The following CLPX variants were observed in gnomAD, a reference collection of about 807,000 sequenced individuals.
CLPX encodes ATP-dependent clpX-like chaperone, mitochondrial.
Under a neutral mutation model 76.4 loss-of-function variants are expected in CLPX, and 34 were observed. That is an observed-to-expected ratio of 0.45 (90% CI 0.34 to 0.59). CLPX has a LOEUF of 0.59. CLPX is among the 20% of genes least tolerant of loss of function. The probability of loss-of-function intolerance (pLI) is 0.01; values close to 1 mark genes in which losing one functional copy is unlikely to be tolerated. For missense variants in CLPX, 613 were observed against 757.0 expected, an observed-to-expected ratio of 0.81 and a Z score of 2.23; for synonymous variants, 248 against 270.9, an observed-to-expected ratio of 0.92 and a Z score of 0.83.
At chr15:65,177,522 G>C (rs2140647195) in intron 3 of CLPX, among the ~76,000 whole-genome samples, 1 of 152,250 alleles carries the variant, frequency 6.6e-6, no homozygotes, top group Non-Finnish European at 1.5e-5. Flanking sequence ...TTAATGGTAA[G>C]TGTGAAATTG....
chr15:65,167,002 A>C (rs1566982702), intron 3 of CLPX, among the ~76,000 whole-genome samples: 1 of 152,208 alleles, frequency 6.6e-6, no homozygotes, highest in African/African-American at 2.4e-5. Context: ...AGGTCCTTTC[A>C]TTTTGTGATA....
At chr15:65,171,467 G>A (rs1486885648) in intron 3 of CLPX, among the ~76,000 whole-genome samples, 1 of 151,656 alleles carries the variant, frequency 6.6e-6, no homozygotes, top group Non-Finnish European at 1.5e-5. Flanking sequence ...AAAACATTTC[G>A]GATAAATTCT....
intron 3 of CLPX, among the ~76,000 whole-genome samples, chr15:65,174,174 C>T (rs1361008319): frequency 2.6e-5 from 4 of 152,182 alleles, no homozygotes; most frequent in South Asian, 2.1e-4. Context: ...GGGGTTTCAC[C>T]GTGTTAGCCA....
intron 6 of CLPX, among the ~76,000 whole-genome samples, chr15:65,160,623 TCACACACACACA>T (rs375655324): frequency 1.8e-4 from 18 of 101,028 alleles, no homozygotes; most frequent in Non-Finnish European, 1.9e-4. Flanking sequence ...TCTCTCTCTC[TCACACACACACA>T]CACACACACA....
At chr15:65,170,774 C>T (rs1208649395) in intron 3 of CLPX, among the ~76,000 whole-genome samples, 5 of 148,694 alleles carry the variant, frequency 3.4e-5, no homozygotes, top group African/African-American at 4.9e-5. Context: ...CAAAAACAAA[C>T]AAAACCACTT....
At chr15:65,155,529 T>A (rs529233183) in intron 10 of CLPX, among the ~76,000 whole-genome samples, 163 bp downstream of exon 10, 1 of 152,292 alleles carries the variant, frequency 6.6e-6, no homozygotes, top group African/African-American at 2.4e-5. Flanking sequence ...ATTATAGGCA[T>A]TGAGTCACCG....
At chr15:65,175,463 T>G (rs887734620) in intron 3 of CLPX, among the ~76,000 whole-genome samples, 1 of 152,072 alleles carries the variant, frequency 6.6e-6, no homozygotes, top group African/African-American at 2.4e-5. Flanking sequence ...GCCACTGCAC[T>G]CCAGCCTGGG....
At chr15:65,163,596 T>C (rs1350397186) in intron 5 of CLPX, among the ~76,000 whole-genome samples, 2 of 152,164 alleles carry the variant, frequency 1.3e-5, no homozygotes, top group African/African-American at 2.4e-5. Flanking sequence ...CCATAGTAAA[T>C]TGAGATTATA....
intron 3 of CLPX, among the ~76,000 whole-genome samples, chr15:65,169,024 CTT>C (rs779469503): frequency 2.7e-4 from 37 of 135,372 alleles, no homozygotes; most frequent in Admixed American, 2.2e-4. Context: ...CGCCTGCCTA[CTT>C]TTTTTTTTTT....
At chr15:65,170,184 C>T (rs1021656620) in intron 3 of CLPX, among the ~76,000 whole-genome samples, 46 of 152,124 alleles carry the variant, frequency 3.0e-4, no homozygotes, top group African/African-American at 1.1e-3. Context: ...CTCAGCCTAA[C>T]CCTACTAATG....
At chr15:65,162,535 C>T in intron 6 of CLPX, 69 bp downstream of exon 6, 3 of 1,050,000 alleles carry the variant, frequency 2.9e-6, no homozygotes, top group Non-Finnish European at 4.4e-6. Flanking sequence ...ACTGTTACTG[C>T]TGAAACACTT....
chr15:65,176,744 C>T (rs1170533741), intron 3 of CLPX, among the ~76,000 whole-genome samples: 2 of 151,494 alleles, frequency 1.3e-5, no homozygotes, highest in Non-Finnish European at 2.9e-5. Flanking sequence ...TACAGGTGCC[C>T]GCCACCACGC....
chr15:65,150,334 CA>C lies in CLPX; in HGVS notation c.*488del, dbSNP rs2087703757. The C allele has an allele frequency of 6.6e-6, 1 of 152,388 alleles. No homozygotes were observed. The highest frequency in any genetic ancestry group is 2.1e-4 in the South Asian group (1 of 4,832). The allele number at this position is 152,388 out of a possible 1,614,324, so 9.4% of individuals were successfully genotyped here. On this transcript the variant is annotated 3_prime_UTR_variant, in exon 14 of 14. Coordinates refer to ENST00000300107, the MANE Select transcript of CLPX (RefSeq NM_006660.5). Reference sequence around the variant, plus strand: ...TTGGCCTCCCAAAGTGCTGGGATTACAGGCGTGAGCCACCACGCCCGGCCTA... The same window carrying C: ...TTGGCCTCCCAAAGTGCTGGGATTACGGCGTGAGCCACCACGCCCGGCCTA...
intron 12 of CLPX, 36 bp from the exon 13 acceptor site, chr15:65,152,572 C>G (rs2087736068): frequency 1.7e-6 from 2 of 1,165,498 alleles, no homozygotes; most frequent in Non-Finnish European, 2.4e-6. Context: ...ACATTGAAAA[C>G]AGATTACATA....
chr15:65,181,049 A>G (rs554957658), intron 1 of CLPX, among the ~76,000 whole-genome samples: 8 of 151,808 alleles, frequency 5.3e-5, no homozygotes, highest in Admixed American at 6.6e-5. Context: ...AAATACAAAA[A>G]TTAGCTGGGT....
chr15:65,170,176 C>T (rs2087980778), intron 3 of CLPX, among the ~76,000 whole-genome samples: 1 of 152,276 alleles, frequency 6.6e-6, no homozygotes, highest in South Asian at 2.1e-4. Flanking sequence ...ATGCTTAACT[C>T]AGCCTAACCC....
chr15:65,152,652 A>T lies in CLPX; in HGVS notation c.1705-116T>A, dbSNP rs746023711. Reference sequence around the variant, plus strand: ...CAAGGAAAAAGAAACAAACAAAACAAATATATATATATATATAAACATATA... The same window carrying T: ...CAAGGAAAAAGAAACAAACAAAACATATATATATATATATATAAACATATA... On this transcript the variant is annotated intron_variant, in intron 12 of 13. Coordinates refer to ENST00000300107, the MANE Select transcript of CLPX (RefSeq NM_006660.5). The T allele has an allele frequency of 4.2e-3, 991 of 234,084 alleles. 2 individuals carry two copies. The highest frequency in any genetic ancestry group is 6.6e-3 in the Non-Finnish European group (849 of 128,372). 14.5% of individuals were successfully genotyped at this position (234,084 alleles called of 1,614,324 possible). A position where few individuals can be genotyped will look rare whatever the true frequency, so the allele number is the denominator to read the frequency against.
chr15:65,182,344 TATAAA>T (rs1025542262), intron 1 of CLPX, among the ~76,000 whole-genome samples: 27 of 152,282 alleles, frequency 1.8e-4, no homozygotes, highest in African/African-American at 6.3e-4. Flanking sequence ...TTTTTAAATG[TATAAA>T]ATAAAATACA....
At chr15:65,154,752 A>G (rs549829738) in intron 11 of CLPX, 30 bp downstream of exon 11, 3 of 1,526,110 alleles carry the variant, frequency 2.0e-6, no homozygotes, top group East Asian at 2.3e-5. Flanking sequence ...AAAATAAAAA[A>G]TAACTAAGTA....
Sources: allele counts gnomAD v4.1 joint callset (sites outside exome capture counted in the v4.1 genomes callset), GRCh38; gene constraint gnomAD v4.1.1; transcripts MANE v1.5; gene names NCBI Gene and HGNC (gene_info 2026-07-23, HGNC 2026-07-21).